The following ALG6 variants were observed in gnomAD, a reference collection of about 807,000 sequenced individuals.
ALG6 encodes the protein ALG6 alpha-1,3-glucosyltransferase, also known as dolichyl pyrophosphate Man9GlcNAc2 alpha-1,3-glucosyltransferase.
ALG6 carries 46 observed loss-of-function variants against 66.6 expected under a neutral mutation model. The ratio of observed to expected loss-of-function variants is 0.69; its 90% CI spans 0.55 to 0.88. The LOEUF (loss-of-function observed/expected upper bound fraction) is 0.88, where lower values mean the gene tolerates loss of function less well. ALG6 is among the 40% of genes least tolerant of loss of function. The pLI, the probability that ALG6 is intolerant of heterozygous loss-of-function variation, is 0.00. For synonymous variants in ALG6, 185 were observed against 203.7 expected, an observed-to-expected ratio of 0.91 and a Z score of 0.78; for missense variants, 505 against 586.8, an observed-to-expected ratio of 0.86 and a Z score of 1.44.
intron 14 of ALG6, among the ~76,000 whole-genome samples, chr1:63,432,172 G>T (rs1644649111): frequency 6.6e-6 from 1 of 151,718 alleles, no homozygotes; most frequent in South Asian, 2.1e-4. Flanking sequence ...GGTTGAGGAA[G>T]TTCTCTTCAA....
intron 2 of ALG6, among the ~76,000 whole-genome samples, chr1:63,380,039 A>G (rs531926843): frequency 3.9e-5 from 6 of 152,192 alleles, no homozygotes; most frequent in African/African-American, 1.4e-4. Flanking sequence ...TGCAAGAAGA[A>G]AACAGATTTA....
intron 3 of ALG6, among the ~76,000 whole-genome samples, chr1:63,398,913 T>A (rs1644429324): frequency 6.6e-6 from 1 of 152,226 alleles, no homozygotes; most frequent in African/African-American, 2.4e-5. Flanking sequence ...TGACCTCAAA[T>A]GCTAATTGCT....
chr1:63,408,862 C>A (rs1416595368), intron 7 of ALG6, among the ~76,000 whole-genome samples: 1 of 152,214 alleles, frequency 6.6e-6, no homozygotes, highest in East Asian at 1.9e-4. Flanking sequence ...TCGCTGCAAC[C>A]TCTGCCTCCT....
rs1392738953 is a variant in ALG6 at position 63,438,470 on chromosome 1, A to C, written c.*1450A>C. 1 of 152,206 alleles carries C rather than the reference A, an allele frequency of 6.6e-6. No individual in the cohort carries two copies. The highest frequency in any genetic ancestry group is 1.5e-5 in the Non-Finnish European group (1 of 68,034). The allele number at this position is 152,206 out of a possible 1,614,324, so 9.4% of individuals were successfully genotyped here. ...CATAGAATGTTGACTTAGATAAATG[A>C]TGAGGAAGTTATAAATAATTGGAGT... On this transcript the variant is annotated 3_prime_UTR_variant, in exon 15 of 15. Coordinates refer to ENST00000263440, the MANE Select transcript of ALG6 (RefSeq NM_013339.4).
At chr1:63,406,189 G>C in intron 5 of ALG6, 128 bp from the exon 6 acceptor site, 1 of 794,790 alleles carries the variant, frequency 1.3e-6, no homozygotes, top group Non-Finnish European at 2.2e-6. Flanking sequence ...ACTGTGTAAA[G>C]GACTTGTCCA....
intron 11 of ALG6, among the ~76,000 whole-genome samples, chr1:63,417,015 A>C (rs1262732702): frequency 1.3e-5 from 2 of 152,196 alleles, no homozygotes; most frequent in African/African-American, 2.4e-5. Flanking sequence ...AGTGCATCTC[A>C]TTACCACAAT....
At position 63,414,073 on chromosome 1, in the gene ALG6, A is replaced by C; in HGVS notation, c.829A>C (p.Asn277His). 6.2e-7 allele frequency: 1 copy of C among 1,611,402 alleles called. No individual in the cohort carries two copies. ...DRGLFEDKVA[N>H]IWCSFNVFLK... The stretch of plus-strand genomic sequence containing the variant: ...AATCTCTTTTAAGGATAAAGTAGCC[A>C]ATATTTGGTGCAGCTTCAATGTCTT... Residue 277 changes from asparagine to histidine, a missense_variant, in exon 10 of 15, where the codon AAT becomes CAT. Coordinates refer to ENST00000263440, the MANE Select transcript of ALG6 (RefSeq NM_013339.4).
intron 2 of ALG6, among the ~76,000 whole-genome samples, chr1:63,380,775 A>G (rs1189010215): frequency 4.6e-5 from 7 of 152,180 alleles, no homozygotes; most frequent in Admixed American, 2.0e-4. Context: ...TTAACCTGAC[A>G]TTTCTTTCAT....
intron 2 of ALG6, among the ~76,000 whole-genome samples, chr1:63,379,324 T>G (rs1457656672): frequency 1.3e-5 from 2 of 152,232 alleles, no homozygotes; most frequent in African/African-American, 4.8e-5. Flanking sequence ...GGTCATGTAC[T>G]TGGTGTGAAT....
intron 4 of ALG6, among the ~76,000 whole-genome samples, chr1:63,402,855 G>T (rs1326683068): frequency 2.0e-5 from 3 of 151,314 alleles, no homozygotes; most frequent in African/African-American, 4.8e-5. Flanking sequence ...CCAGCACTGT[G>T]GGAGGCCGAG....
chr1:63,422,355 A>AAG lies in ALG6; in HGVS notation c.1058+2915_1058+2916insAG, dbSNP rs1347966665. The stretch of plus-strand genomic sequence containing the variant: ...TCTATAGGAATATAAATATATATCT[A>AAG]TATAAATATAAATATATATAAGTAT... On this transcript the variant is annotated intron_variant, in intron 12 of 14. Coordinates refer to ENST00000263440, the MANE Select transcript of ALG6 (RefSeq NM_013339.4). Among the ~76,000 whole-genome samples the AAG allele has an allele frequency of 7.4e-5, 6 of 81,550 alleles. 1 individual carries two copies. The highest frequency in any genetic ancestry group is 2.8e-4 in the African/African-American group (5 of 18,126). 53.5% of individuals were successfully genotyped at this position (81,550 alleles called of 152,430 possible).
intron 14 of ALG6, among the ~76,000 whole-genome samples, chr1:63,430,219 A>G (rs1167300695): frequency 2.0e-5 from 3 of 152,238 alleles, no homozygotes; most frequent in Non-Finnish European, 2.9e-5. Flanking sequence ...TATAGCATAT[A>G]TCAGTACTTT....
At position 63,378,569 on chromosome 1, in the gene ALG6, T is replaced by C. The variant is rs1015376220; in HGVS notation, c.82+7510T>C. On this transcript the variant is annotated intron_variant, in intron 2 of 14. Coordinates refer to ENST00000263440, the MANE Select transcript of ALG6 (RefSeq NM_013339.4). Reference sequence around the variant, plus strand: ...GATCTTTGGTTAGGAATTCCACAGATAGTATAGGCCATTCACTATGTGCCA... The same window carrying C: ...GATCTTTGGTTAGGAATTCCACAGACAGTATAGGCCATTCACTATGTGCCA... 2.0e-5 allele frequency among the ~76,000 whole-genome samples: 3 copies of C among 152,160 alleles called. No individual in the cohort carries two copies. The East Asian group carries it at 5.8e-4, about 29-fold the overall frequency.
chr1:63,415,772 A>G (rs1644543137), intron 10 of ALG6, 101 bp from the exon 11 acceptor site: 11 of 683,038 alleles, frequency 1.6e-5, no homozygotes, highest in Non-Finnish European at 7.3e-6. Context: ...ACTTAAGTTG[A>G]TAAATAATAT....
In ALG6 at chr1:63,375,227, A is replaced by G. The variant is rs1570031917; in HGVS notation, c.82+4168A>G. On this transcript the variant is annotated intron_variant, in intron 2 of 14. Transcript: ENST00000263440. ...AAAAAAAATGTAGTGTGATATAGGC[A>G]AATACTTTGTTTCTTTTCTTTTTCT... 2.6e-5 allele frequency among the ~76,000 whole-genome samples: 4 copies of G among 151,788 alleles called. No homozygotes were observed. The East Asian group carries it at 7.7e-4, about 29-fold the overall frequency.
At chr1:63,421,869 G>C (rs1459388640) in intron 12 of ALG6, among the ~76,000 whole-genome samples, 1 of 151,180 alleles carries the variant, frequency 6.6e-6, no homozygotes, top group Non-Finnish European at 1.5e-5. Flanking sequence ...TGGCCTGTTG[G>C]GGGGTGGGGG....
At chr1:63,430,726 A>G (rs1385317847) in intron 14 of ALG6, among the ~76,000 whole-genome samples, 1 of 152,120 alleles carries the variant, frequency 6.6e-6, no homozygotes, top group East Asian at 1.9e-4. Flanking sequence ...TCCTTTGCCC[A>G]TTTTAAACTG....
intron 9 of ALG6, among the ~76,000 whole-genome samples, chr1:63,413,163 G>A (rs1218171668): frequency 5.3e-5 from 8 of 152,074 alleles, no homozygotes; most frequent in Non-Finnish European, 2.9e-5. Flanking sequence ...GAAAACTGAG[G>A]TCAAAGATTC....
At chr1:63,422,238 TATATAAATATATATATTTATATAG>T (rs1362015204) in intron 12 of ALG6, among the ~76,000 whole-genome samples, 1 of 73,890 alleles carries the variant, frequency 1.4e-5, no homozygotes, top group Non-Finnish European at 2.4e-5. Context: ...TATAAATATA[TATATAAATATATATATTTATATAG>T]ATATAAATAT....
Sources: gnomAD v4.1 joint callset for allele counts (sites outside exome capture counted in the v4.1 genomes callset) on GRCh38, gnomAD v4.1.1 for gene constraint, MANE v1.5 for transcripts, NCBI Gene and HGNC (gene_info 2026-07-23, HGNC 2026-07-21) for gene names.